Variants in CLDN14 observed in about 807,000 individuals in gnomAD.
CLDN14 encodes the protein claudin-14.
In CLDN14, 2 loss-of-function variants were observed where a neutral mutation model predicts 2.1. The ratio of observed to expected loss-of-function variants is 0.96; its 90% confidence interval spans 0.39 to 3.01. CLDN14 has a LOEUF of 3.01. Among genes scored for constraint, CLDN14 ranks in the 30% most tolerant of loss-of-function variants. The pLI is 0.09. For synonymous variants in CLDN14, 136 were observed against 154.4 expected (o/e 0.88, Z 0.88); for missense variants, 298 against 328.0 (o/e 0.91, Z 0.71).
intron 2 of CLDN14, among the ~76,000 whole-genome samples, chr21:36,507,217 C>T (rs374372662): frequency 6.6e-5 from 10 of 152,228 alleles, no homozygotes; most frequent in East Asian, 3.9e-4. Context: ...AGTAGTTGCC[C>T]TTAAGCTCAA....
chr21:36,557,502 T>C (rs797003581), intron 1 of CLDN14, among the ~76,000 whole-genome samples: 9 of 152,288 alleles, frequency 5.9e-5, no homozygotes, highest in African/African-American at 2.2e-4. Flanking sequence ...TAATATCTCA[T>C]TGTGGTTTTG....
chr21:36,514,399 G>A (rs750843337), intron 1 of CLDN14, among the ~76,000 whole-genome samples: 1 of 152,166 alleles, frequency 6.6e-6, no homozygotes, highest in Non-Finnish European at 1.5e-5. Flanking sequence ...GTGCTGTGGT[G>A]GGGAAGAGGC....
rs1281608217 is a variant in CLDN14 at position 36,544,692 on chromosome 21, C to T, written c.-220+31719G>A. Among the ~76,000 whole-genome samples the T allele has an allele frequency of 1.3e-5, 2 of 152,178 alleles. No individual in the cohort carries two copies. Among genetic ancestry groups the T allele is most frequent in the Admixed American group, 1.3e-4 (2 of 15,282 alleles). On this transcript the variant is annotated intron_variant, in intron 1 of 2. Transcript: ENST00000342108. The surrounding 1 kb of genome is among the most constrained non-coding windows in gnomAD (Gnocchi z 4.1). The stretch of plus-strand genomic sequence containing the variant: ...ACTCTTTACACCTCCTTCCTGCTGA[C>T]CCGACTGCAAATCAGCTTTTGATGG...
chr21:36,514,223 T>C (rs146446768), intron 1 of CLDN14, among the ~76,000 whole-genome samples: 72 of 152,220 alleles, frequency 4.7e-4, no homozygotes, highest in African/African-American at 1.7e-3. Context: ...TTCGTGATAT[T>C]TGGAGGGAAG....
intron 1 of CLDN14, among the ~76,000 whole-genome samples, chr21:36,573,787 G>C (rs114038727): frequency 2.4e-3 from 361 of 152,210 alleles, no homozygotes; most frequent in Middle Eastern, 0.014. Context: ...ACACTTTGAA[G>C]TGAAATTTCA....
chr21:36,481,967 G>C (rs187526759), upstream of CLDN14, among the ~76,000 whole-genome samples: 934 of 152,264 alleles, frequency 6.1e-3, 8 homozygotes, highest in African/African-American at 0.02. Context: ...GGAAAATGAG[G>C]GGGTAGAGAG....
intron 1 of CLDN14, among the ~76,000 whole-genome samples, chr21:36,475,714 C>G (rs2146440491): frequency 6.6e-6 from 1 of 152,244 alleles, no homozygotes; most frequent in South Asian, 2.1e-4. Context: ...CTGCACCCAG[C>G]CCCGCTGGCT....
At chr21:36,531,021 A>G (rs1186163788) in intron 1 of CLDN14, among the ~76,000 whole-genome samples, 1 of 152,180 alleles carries the variant, frequency 6.6e-6, no homozygotes. Context: ...ACTTGAGGTC[A>G]GGAGTTCGAG....
intron 1 of CLDN14, among the ~76,000 whole-genome samples, chr21:36,528,833 C>T (rs9981041): frequency 0.47 from 72,059 of 152,094 alleles, 19,334 homozygotes; most frequent in Middle Eastern, 0.62. Context: ...TTCCTCCCTC[C>T]TCCTCTCCCC....
chr21:36,567,448 T>A (rs993581296), intron 1 of CLDN14, among the ~76,000 whole-genome samples: 1 of 152,228 alleles, frequency 6.6e-6, no homozygotes, highest in Non-Finnish European at 1.5e-5. Flanking sequence ...GGGAACTGGC[T>A]GATTTATGTC....
intron 1 of CLDN14, among the ~76,000 whole-genome samples, chr21:36,466,938 A>G (rs1363664323): frequency 1.3e-5 from 2 of 152,236 alleles, no homozygotes; most frequent in South Asian, 2.1e-4. Flanking sequence ...TACAGGCCCC[A>G]TGCAAGTTCG....
At chr21:36,563,032 T>G (rs1007026604) in intron 1 of CLDN14, among the ~76,000 whole-genome samples, 1 of 152,246 alleles carries the variant, frequency 6.6e-6, no homozygotes, top group Admixed American at 6.5e-5. Flanking sequence ...TGAAATGTTA[T>G]CATTCTTCAG....
intron 1 of CLDN14, among the ~76,000 whole-genome samples, chr21:36,533,753 A>C (rs1267229965): frequency 6.6e-6 from 1 of 152,136 alleles, no homozygotes; most frequent in Non-Finnish European, 1.5e-5. Context: ...GAAAACCAGA[A>C]ACTGCATGTT....
chr21:36,566,119 C>T (rs1262285301), intron 1 of CLDN14, among the ~76,000 whole-genome samples: 2 of 152,140 alleles, frequency 1.3e-5, no homozygotes, highest in Non-Finnish European at 2.9e-5. Flanking sequence ...TCTACCACTG[C>T]CTATACCAGG....
intron 2 of CLDN14, among the ~76,000 whole-genome samples, chr21:36,507,939 A>G (rs945058718): frequency 5.3e-5 from 8 of 152,200 alleles, no homozygotes; most frequent in Admixed American, 1.3e-4. Flanking sequence ...ACTTTTCTTA[A>G]AAGTTGTATA....
chr21:36,473,213 A>G (rs1044848184), intron 1 of CLDN14, among the ~76,000 whole-genome samples: 1 of 152,126 alleles, frequency 6.6e-6, no homozygotes, highest in Non-Finnish European at 1.5e-5. Context: ...CTTCCTGAGT[A>G]GCTGGGACTA....
chr21:36,546,686 CATA>C (rs1413026642), intron 1 of CLDN14, among the ~76,000 whole-genome samples: 1 of 152,162 alleles, frequency 6.6e-6, no homozygotes, highest in Admixed American at 6.5e-5. Context: ...GAAGAGCAAA[CATA>C]ATGAGTTCTT....
At chr21:36,529,301 T>C (rs951295182) in intron 1 of CLDN14, among the ~76,000 whole-genome samples, 3 of 152,252 alleles carry the variant, frequency 2.0e-5, no homozygotes, top group African/African-American at 7.2e-5. Context: ...TCTTTTTTTT[T>C]TGAGAGGGTG....
rs551133501 is a variant in CLDN14 at position 36,512,271 on chromosome 21, C to G, written c.-219-1771G>C. On this transcript the variant is annotated intron_variant, in intron 1 of 2. Coordinates refer to the CLDN14 transcript ENST00000342108. ...GCCAAACTGATGGAAGAGTGACAAACTGATAGACTGTGGTGCTGTGTCCCT... is the reference window on the plus strand; with the variant it reads ...GCCAAACTGATGGAAGAGTGACAAAGTGATAGACTGTGGTGCTGTGTCCCT... Among the ~76,000 whole-genome samples, 6 of 152,300 alleles carry G rather than the reference C, an allele frequency of 3.9e-5. No individual in the cohort carries two copies. The South Asian group carries it at 8.3e-4, about 21-fold the overall frequency.
Sources: allele counts gnomAD v4.1 joint callset (sites outside exome capture counted in the v4.1 genomes callset), GRCh38; gene constraint gnomAD v4.1.1; non-coding constraint Gnocchi (gnomAD v3.1); transcripts MANE v1.5; gene names NCBI Gene and HGNC (gene_info 2026-07-23, HGNC 2026-07-21).